The following ZEB1 variants were observed in gnomAD, a reference collection of about 807,000 sequenced individuals.
The protein encoded by ZEB1 is zinc finger E-box-binding homeobox 1.
A neutral mutation model predicts 84.9 loss-of-function variants in ZEB1; 21 were observed. The ratio of observed to expected loss-of-function variants is 0.25; its 90% CI spans 0.18 to 0.36. The LOEUF (loss-of-function observed/expected upper bound fraction) is 0.36. Ranked by LOEUF, ZEB1 falls within the 10% of genes least tolerant of loss-of-function variation. ZEB1 has a pLI of 1.00. For missense variants in ZEB1, 1,104 were observed against 1,330.2 expected (o/e 0.83, Z 2.65); for synonymous variants, 420 against 471.1 (o/e 0.89, Z 1.41).
chr10:31,368,073 C>T (rs148880874), intron 1 of ZEB1, among the ~76,000 whole-genome samples: 1 of 151,848 alleles, frequency 6.6e-6, no homozygotes, highest in African/African-American at 2.4e-5. Context: ...TGGTTGGTGC[C>T]AGGACACCCT....
chr10:31,410,712 A>T (rs563342376), intron 1 of ZEB1, among the ~76,000 whole-genome samples: 6 of 152,134 alleles, frequency 3.9e-5, no homozygotes, highest in African/African-American at 1.2e-4. Flanking sequence ...GGGATTTGAC[A>T]TCTTCCTGGT....
At chr10:31,406,042 A>G (rs1171646220) in intron 1 of ZEB1, among the ~76,000 whole-genome samples, 1 of 152,146 alleles carries the variant, frequency 6.6e-6, no homozygotes, top group Non-Finnish European at 1.5e-5. Context: ...TTATGGCTGC[A>G]TAGTATTCCA....
intron 1 of ZEB1, among the ~76,000 whole-genome samples, chr10:31,431,125 G>A (rs1047373113): frequency 4.6e-5 from 7 of 152,164 alleles, no homozygotes; most frequent in Non-Finnish European, 1.0e-4. Context: ...ATGTGGAGGG[G>A]TTGATCCACA....
chr10:31,512,720 A>G (rs1027842326), intron 5 of ZEB1, among the ~76,000 whole-genome samples: 5 of 152,216 alleles, frequency 3.3e-5, no homozygotes, highest in African/African-American at 1.2e-4. Flanking sequence ...CAGAAATAAA[A>G]TAATACATAC....
chr10:31,426,840 C>T (rs1431141294), intron 1 of ZEB1, among the ~76,000 whole-genome samples: 2 of 152,080 alleles, frequency 1.3e-5, no homozygotes, highest in Non-Finnish European at 2.9e-5. Context: ...GATGGTACTC[C>T]CATTGATCTG....
chr10:31,416,505 T>G (rs1381599907), intron 1 of ZEB1, among the ~76,000 whole-genome samples: 1 of 152,138 alleles, frequency 6.6e-6, no homozygotes. Context: ...TGGTCTTCCA[T>G]TTTAATTAGT....
intron 1 of ZEB1, among the ~76,000 whole-genome samples, chr10:31,354,466 TGGG>T (rs1410729801): frequency 6.6e-6 from 1 of 152,138 alleles, no homozygotes; most frequent in African/African-American, 2.4e-5. Flanking sequence ...ACACTTTTCT[TGGG>T]GGAGGAGGAG....
At chr10:31,350,902 C>T (rs939293370) in intron 1 of ZEB1, among the ~76,000 whole-genome samples, 12 of 152,310 alleles carry the variant, frequency 7.9e-5, no homozygotes, top group Admixed American at 3.9e-4. Context: ...TTTGAGTTCA[C>T]TATTTAGAGT....
intron 2 of ZEB1, among the ~76,000 whole-genome samples, chr10:31,467,137 A>T (rs1184091137): frequency 6.6e-6 from 1 of 152,120 alleles, no homozygotes; most frequent in Non-Finnish European, 1.5e-5. Flanking sequence ...GGAAGGTGTG[A>T]GTGAAGAAAC....
chr10:31,363,332 C>T lies in ZEB1; in HGVS notation c.58+44040C>T, dbSNP rs748373981. ...CCTCCAGCAGGGCTGTGTGAACTGG[C>T]GACTCCATGGCCCTTGGAGTAGAAA... is the stretch of plus-strand genomic sequence containing the variant. On this transcript the variant is annotated intron_variant, in intron 1 of 8. Coordinates refer to ENST00000424869, the MANE Select transcript of ZEB1 (RefSeq NM_001174096.2). 77 of 1,533,846 alleles carry T rather than the reference C, an allele frequency of 5.0e-5. 1 individual carries two copies. The highest frequency in any genetic ancestry group is 3.7e-4 in the South Asian group (31 of 83,964).
chr10:31,380,630 A>C lies in ZEB1; in HGVS notation c.58+61338A>C, dbSNP rs183586303. On this transcript the variant is annotated intron_variant, in intron 1 of 8. Coordinates refer to ENST00000424869, the MANE Select transcript of ZEB1 (RefSeq NM_001174096.2). ...ATCTGCCACCCCTTACACATTTATTAGTGGAAATTCTTCTGTAAGAAGAAG... is the reference window on the plus strand; with the variant it reads ...ATCTGCCACCCCTTACACATTTATTCGTGGAAATTCTTCTGTAAGAAGAAG... 1.4e-4 allele frequency among the ~76,000 whole-genome samples: 22 copies of C among 152,242 alleles called. 1 individual carries two copies. The highest frequency in any genetic ancestry group is 1.4e-3 in the Admixed American group (22 of 15,276).
intron 4 of ZEB1, among the ~76,000 whole-genome samples, chr10:31,508,043 T>C (rs1176036814): frequency 6.6e-6 from 1 of 152,160 alleles, no homozygotes; most frequent in African/African-American, 2.4e-5. Flanking sequence ...CTGTATGATA[T>C]CTTTCGTTAT....
chr10:31,329,011 G>A (rs1468166475), intron 1 of ZEB1, among the ~76,000 whole-genome samples: 1 of 151,804 alleles, frequency 6.6e-6, no homozygotes, highest in Non-Finnish European at 1.5e-5. Flanking sequence ...GTGTGTGTGT[G>A]TGCGTGTGAA....
At chr10:31,465,943 T>G (rs1293197090) in intron 2 of ZEB1, among the ~76,000 whole-genome samples, 2 of 152,208 alleles carry the variant, frequency 1.3e-5, no homozygotes, top group African/African-American at 4.8e-5. Context: ...GAAAAATATG[T>G]TCCATGTAAG....
chr10:31,499,642 G>C (rs2067818936), intron 3 of ZEB1, among the ~76,000 whole-genome samples: 1 of 152,152 alleles, frequency 6.6e-6, no homozygotes, highest in South Asian at 2.1e-4. Flanking sequence ...ATGCACGCTT[G>C]TAATCCCAGC....
At chr10:31,427,580 C>T (rs961047995) in intron 1 of ZEB1, among the ~76,000 whole-genome samples, 8 of 152,034 alleles carry the variant, frequency 5.3e-5, no homozygotes, top group South Asian at 2.1e-4. Context: ...TGGCCAGGCG[C>T]GGTGGCTCAA....
intron 1 of ZEB1, 173 bp downstream of exon 1, chr10:31,319,465 C>T (rs1417647921): frequency 3.7e-5 from 24 of 648,124 alleles, no homozygotes; most frequent in Non-Finnish European, 6.4e-5. Flanking sequence ...CCGCCGCTGC[C>T]GGAGCCGCGC....
chr10:31,440,853 C>A (rs555322275), intron 1 of ZEB1, among the ~76,000 whole-genome samples: 1 of 151,940 alleles, frequency 6.6e-6, no homozygotes, highest in African/African-American at 2.4e-5. Context: ...TTACAAGGGA[C>A]GTGAAGGACC....
chr10:31,449,376 C>T (rs984718342), intron 1 of ZEB1, among the ~76,000 whole-genome samples: 13 of 152,220 alleles, frequency 8.5e-5, no homozygotes, highest in Non-Finnish European at 1.6e-4. Flanking sequence ...CCGTCTTCTG[C>T]GTCGCTCACG....
Sources: gnomAD v4.1 joint callset for allele counts (sites outside exome capture counted in the v4.1 genomes callset) on GRCh38, gnomAD v4.1.1 for gene constraint, MANE v1.5 for transcripts, NCBI Gene and HGNC (gene_info 2026-07-23, HGNC 2026-07-21) for gene names.